The following ANLN variants were observed in gnomAD, a reference collection of about 807,000 sequenced individuals.
The protein encoded by ANLN is anillin, actin binding protein.
A neutral mutation model predicts 135.1 loss-of-function variants in ANLN; 59 were observed. The ratio of observed to expected loss-of-function variants is 0.44; its 90% confidence interval spans 0.35 to 0.54. The LOEUF is 0.54. Ranked by LOEUF, ANLN falls within the 20% of genes least tolerant of loss-of-function variation. ANLN has a pLI of 0.00. For synonymous variants in ANLN, 406 were observed against 456.4 expected (o/e 0.89, Z 1.41); for missense variants, 1,182 against 1,340.0 (o/e 0.88, Z 1.84).
intron 2 of ANLN, among the ~76,000 whole-genome samples, chr7:36,397,684 G>A (rs967341548): frequency 7.2e-5 from 11 of 152,182 alleles, no homozygotes; most frequent in African/African-American, 2.7e-4. Context: ...AGACTGAGGT[G>A]GGCAGATTGC....
chr7:36,451,637 T>A (rs1447757775), intron 23 of ANLN, among the ~76,000 whole-genome samples: 2 of 152,230 alleles, frequency 1.3e-5, no homozygotes, highest in Non-Finnish European at 1.5e-5. Flanking sequence ...TAACAAGTGG[T>A]GGCTATTATA....
intron 1 of ANLN, among the ~76,000 whole-genome samples, chr7:36,391,899 C>A (rs1203083173): frequency 6.6e-6 from 1 of 151,792 alleles, no homozygotes; most frequent in East Asian, 1.9e-4. Context: ...CAAGACTGTT[C>A]TGCATTGGTC....
intron 21 of ANLN, 95 bp from the exon 22 acceptor site, chr7:36,443,660 G>A (rs1788870376): frequency 2.9e-6 from 2 of 694,710 alleles, no homozygotes; most frequent in Admixed American, 2.9e-5. Flanking sequence ...TATGAAATAT[G>A]TCAACATACT....
chr7:36,405,300 C>T (rs962187959), intron 3 of ANLN, among the ~76,000 whole-genome samples: 8 of 152,328 alleles, frequency 5.3e-5, no homozygotes, highest in East Asian at 1.9e-4. Context: ...ATAACAAAAT[C>T]ACCTCATGAT....
At chr7:36,417,790 G>GC (rs888835039) in intron 9 of ANLN, among the ~76,000 whole-genome samples, 1 of 145,824 alleles carries the variant, frequency 6.9e-6, no homozygotes, top group Non-Finnish European at 1.5e-5. Flanking sequence ...CGATTCTTCT[G>GC]CCTCAGCCTC....
intron 10 of ANLN, 31 bp from the exon 11 acceptor site, chr7:36,420,138 C>T: frequency 6.3e-7 from 1 of 1,585,242 alleles, no homozygotes; most frequent in South Asian, 1.1e-5. Context: ...CATTTAGGAT[C>T]AATGTTAATA....
chr7:36,391,985 T>C (rs1322491946), intron 1 of ANLN, among the ~76,000 whole-genome samples: 2 of 151,474 alleles, frequency 1.3e-5, no homozygotes, highest in African/African-American at 4.9e-5. Flanking sequence ...GTCGCCCAGG[T>C]GACAAAACCA....
At chr7:36,399,036 A>G (rs779721488) in intron 2 of ANLN, 43 bp from the exon 3 acceptor site, 4 of 1,523,140 alleles carry the variant, frequency 2.6e-6, no homozygotes, top group Admixed American at 2.0e-5. Flanking sequence ...TTCATGTGAG[A>G]AATTACAAAT....
chr7:36,418,486 A>G (rs1045505191), intron 9 of ANLN, among the ~76,000 whole-genome samples: 1 of 152,232 alleles, frequency 6.6e-6, no homozygotes, highest in Non-Finnish European at 1.5e-5. Context: ...GAAAACCAGT[A>G]TATATCATAA....
chr7:36,418,341 A>C (rs1787733144), intron 9 of ANLN, among the ~76,000 whole-genome samples: 1 of 152,068 alleles, frequency 6.6e-6, no homozygotes, highest in Non-Finnish European at 1.5e-5. Context: ...AAGATAGGAG[A>C]AGATTAGAGT....
chr7:36,409,069 C>G lies in ANLN; in HGVS notation c.1096+1113C>G, dbSNP rs375827083. Among the ~76,000 whole-genome samples, 84 of 152,230 alleles carry G rather than the reference C, an allele frequency of 5.5e-4. 2 individuals are homozygous for G. The South Asian group carries it at 0.015, about 28-fold the overall frequency. On this transcript the variant is annotated intron_variant, in intron 5 of 23. Transcript: ENST00000265748. ...TGGGGTAGGTAGAAATCTGCAATTT[C>G]CAGTTGAGCCAGAATGAGAATTGGA...
At chr7:36,426,117 T>C (rs1788069435) in intron 19 of ANLN, 81 bp downstream of exon 19, 2 of 1,011,556 alleles carry the variant, frequency 2.0e-6, no homozygotes, top group East Asian at 5.5e-5. Flanking sequence ...ATATAGGCCA[T>C]CTTGATTTGT....
chr7:36,401,093 C>G, intron 3 of ANLN, among the ~76,000 whole-genome samples: 1 of 152,152 alleles, frequency 6.6e-6, no homozygotes, highest in East Asian at 1.9e-4. Flanking sequence ...ATAATAATCT[C>G]AAGAGCAAAC....
At chr7:36,417,674 CTTTTTT>C (rs70977138) in intron 9 of ANLN, among the ~76,000 whole-genome samples, 23 of 97,254 alleles carry the variant, frequency 2.4e-4, no homozygotes, top group Admixed American at 6.0e-4. Flanking sequence ...CTCAAACTTC[CTTTTTT>C]TTTTTTTTTT....
rs755751652 is a variant in ANLN, at chr7:36,401,615, A to G, written c.487+2222A>G. On this transcript the variant is annotated intron_variant, in intron 3 of 23. Transcript: ENST00000265748. ...CGGCCTCCCAAAGTGCTGGGATTATAGACGTGAGCCACCTCGGCAGGCCAC... is the reference window on the plus strand; with the variant it reads ...CGGCCTCCCAAAGTGCTGGGATTATGGACGTGAGCCACCTCGGCAGGCCAC... Among the ~76,000 whole-genome samples, 52 of 122,302 alleles carry G rather than the reference A, an allele frequency of 4.3e-4. 9 individuals carry two copies. The highest frequency in any genetic ancestry group is 8.1e-4 in the Non-Finnish European group (45 of 55,292). 80.2% of individuals were successfully genotyped at this position (122,302 alleles called of 152,430 possible). A position where few individuals can be genotyped will look rare whatever the true frequency, so the allele number is the denominator to read the frequency against.
chr7:36,392,599 T>C (rs535699045), intron 1 of ANLN, among the ~76,000 whole-genome samples: 301 of 149,966 alleles, frequency 2.0e-3, no homozygotes, highest in African/African-American at 7.0e-3. Context: ...AGTTTTAAAA[T>C]TCCTGATATA....
At chr7:36,412,191 C>T (rs906705040) in intron 7 of ANLN, among the ~76,000 whole-genome samples, 1 of 151,406 alleles carries the variant, frequency 6.6e-6, no homozygotes, top group Admixed American at 6.6e-5. Flanking sequence ...ACCCACCTGC[C>T]TCGTCTTCCA....
In ANLN at chr7:36,421,862, C is replaced by T; in HGVS notation, c.2169C>T (p.Leu723=). 1 of 1,603,686 alleles carries T rather than the reference C, an allele frequency of 6.2e-7. No individual in the cohort carries two copies. Among genetic ancestry groups the T allele is most frequent in the Non-Finnish European group, 8.5e-7 (1 of 1,175,832 alleles). Residue 723 remains leucine, a synonymous_variant, in exon 13 of 24, where the codon CTC becomes CTT. Transcript: ENST00000265748. ...CCTCTCATTGGTTTTCCTAGGAACTCAATAACGAAATAAATATGCAACAGA... is the reference window on the plus strand; with the variant it reads ...CCTCTCATTGGTTTTCCTAGGAACTTAATAACGAAATAAATATGCAACAGA... The part of the protein sequence containing the change: ...QVNIKQKMQE[L]NNEINMQQTV...
chr7:36,393,842 C>G (rs1461768562), intron 1 of ANLN, among the ~76,000 whole-genome samples: 1 of 152,200 alleles, frequency 6.6e-6, no homozygotes. Context: ...TTGCTTATCT[C>G]AAGGTCAGTG....
Sources: gnomAD v4.1 joint callset for allele counts (sites outside exome capture counted in the v4.1 genomes callset) on GRCh38, gnomAD v4.1.1 for gene constraint, MANE v1.5 for transcripts, NCBI Gene and HGNC (gene_info 2026-07-23, HGNC 2026-07-21) for gene names.